WTIP: variants seen among roughly 807,000 people sequenced by gnomAD.
WTIP encodes WT1 interacting protein.
WTIP carries 23 observed loss-of-function variants against 41.7 expected under a neutral mutation model. The observed-to-expected ratio is 0.55, with a 90% CI of 0.40 to 0.78. WTIP has a LOEUF of 0.78. Ranked by LOEUF, WTIP falls within the 30% of genes least tolerant of loss-of-function variation. WTIP has a pLI of 0.00. For synonymous variants in WTIP, 314 were observed against 269.9 expected (o/e 1.16, Z -1.60); for missense variants, 619 against 610.5 (o/e 1.01, Z -0.15).
At position 34,503,757 on chromosome 19, in the gene WTIP, G is replaced by A. The variant is rs12986361; in HGVS notation, c.*3488G>A. 0.093 allele frequency: 14,235 copies of A among 152,592 alleles called. 832 individuals are homozygous for A. The highest frequency in any genetic ancestry group is 0.17 in the Admixed American group (2,636 of 15,300). 9.5% of individuals were successfully genotyped at this position (152,592 alleles called of 1,614,324 possible). ...GTGCCTGGATTAGGGCGAGTGCTGAGGCTGGAGCTGACCCTGCCCTGGCCT... is the reference window on the plus strand; with the variant it reads ...GTGCCTGGATTAGGGCGAGTGCTGAAGCTGGAGCTGACCCTGCCCTGGCCT... On this transcript the variant is annotated 3_prime_UTR_variant, in exon 8 of 8. Transcript: ENST00000590071.
At chr19:34,494,697 T>C (rs1035155513) in intron 6 of WTIP, 60 bp downstream of exon 6, 1 of 1,571,370 alleles carries the variant, frequency 6.4e-7, no homozygotes, top group African/African-American at 1.4e-5. Context: ...CTGTCCTGTC[T>C]AGCCTGGGTC....
At chr19:34,499,244 C>T (rs1228813762) in intron 7 of WTIP, among the ~76,000 whole-genome samples, 2 of 150,822 alleles carry the variant, frequency 1.3e-5, no homozygotes, top group Non-Finnish European at 2.9e-5. Flanking sequence ...GGCACGGTGG[C>T]TCATGCCTGT....
intron 1 of WTIP, among the ~76,000 whole-genome samples, chr19:34,483,917 CTTTTTTTTTTT>C (rs61308943): frequency 4.4e-3 from 291 of 66,878 alleles, no homozygotes; most frequent in African/African-American, 0.016. Context: ...TGAACTGGAT[CTTTTTTTTTTT>C]TTTTTTTTTT....
At chr19:34,494,183 C>T (rs2075840883) in intron 5 of WTIP, among the ~76,000 whole-genome samples, 1 of 152,112 alleles carries the variant, frequency 6.6e-6, no homozygotes, top group Non-Finnish European at 1.5e-5. Flanking sequence ...TCACAGGAAA[C>T]ATGGGGGCAG....
At position 34,489,939 on chromosome 19, in the gene WTIP, C is replaced by CA. The variant is rs199647256; in HGVS notation, c.668-429dup. 6.9e-4 allele frequency among the ~76,000 whole-genome samples: 105 copies of CA among 151,654 alleles called. 1 individual carries two copies. The East Asian group carries it at 0.017, about 25-fold the overall frequency. The stretch of plus-strand genomic sequence containing the variant: ...ACAGAGCGAGATCCTGTCTCTCTCC[C>CA]AAAAAAAACCTAAAAGTGGTTGGGT... On this transcript the variant is annotated intron_variant, in intron 1 of 7. Coordinates refer to ENST00000590071, the MANE Select transcript of WTIP (RefSeq NM_001080436.2).
Position 34,482,083 on chromosome 19 carries a change from C to T in WTIP, c.109C>T (p.Pro37Ser). Residue 37 changes from proline (P) to serine (S), a missense_variant, in exon 1 of 8, where the codon CCG (proline) becomes TCG (serine). Transcript: ENST00000590071. ...CTCTCCCGGTCGGGGGCGGCGGGGG[C>T]CGCGGCCTGGGCCTGGAGACGAGGC... ...CGSPGRGRRG[P>S]RPGPGDEAAP... 1 of 1,037,692 alleles carries T rather than the reference C, an allele frequency of 9.6e-7. No individual in the cohort carries two copies. The highest frequency in any genetic ancestry group is 1.2e-6 in the Non-Finnish European group (1 of 865,228). 64.3% of individuals were successfully genotyped at this position (1,037,692 alleles called of 1,614,324 possible). A position where few individuals can be genotyped will look rare whatever the true frequency, so the allele number is the denominator to read the frequency against.
Position 34,483,494 on chromosome 19 carries a change from G to C in WTIP, c.667+853G>C, listed in dbSNP as rs114541174. Among the ~76,000 whole-genome samples, 526 of 152,334 alleles carry C rather than the reference G, an allele frequency of 3.5e-3. 5 individuals carry two copies. Among genetic ancestry groups the C allele is most frequent in the African/African-American group, 0.012 (511 of 41,576 alleles). ...CGGATACCGCCTGACCCAGGCTTTG[G>C]TGATGGTAGCGGCTGGAGAGGGAGA... On this transcript the variant is annotated intron_variant, in intron 1 of 7. Transcript: ENST00000590071.
intron 5 of WTIP, 121 bp from the exon 6 acceptor site, chr19:34,494,465 C>A: frequency 1.1e-6 from 1 of 911,756 alleles, no homozygotes; most frequent in Non-Finnish European, 1.8e-6. Context: ...GAGGTGTGCA[C>A]ACAGGGAGAG....
chr19:34,511,921 C>G lies in WTIP; in HGVS notation c.*11652C>G, dbSNP rs1174703735. 6.6e-6 allele frequency: 1 copy of G among 152,154 alleles called. No individual in the cohort carries two copies. The highest frequency in any genetic ancestry group is 2.4e-5 in the African/African-American group (1 of 41,436). 9.4% of individuals were successfully genotyped at this position (152,154 alleles called of 1,614,324 possible). ...AAAGAAAAAAATACTTGCTAGAATT[C>G]TGATTTGAAGTGCTTTCAAATTCTG... On this transcript the variant is annotated 3_prime_UTR_variant, in exon 8 of 8. Transcript: ENST00000590071.
chr19:34,498,096 G>A (rs1289156318), intron 7 of WTIP, among the ~76,000 whole-genome samples: 1 of 152,158 alleles, frequency 6.6e-6, no homozygotes, highest in East Asian at 1.9e-4. Flanking sequence ...GGAGACCAGG[G>A]AAAGGAGTGA....
chr19:34,486,122 C>CT (rs3068689), intron 1 of WTIP, among the ~76,000 whole-genome samples: 2 of 151,896 alleles, frequency 1.3e-5, no homozygotes, highest in East Asian at 1.9e-4. Context: ...AGGGCCACAC[C>CT]GTTTTCCCTT....
intron 7 of WTIP, among the ~76,000 whole-genome samples, chr19:34,497,278 C>T (rs1008977900): frequency 3.3e-5 from 5 of 152,142 alleles, no homozygotes; most frequent in Admixed American, 6.5e-5. Flanking sequence ...GGCAGTCAGT[C>T]GGGTGTTGTG....
intron 1 of WTIP, among the ~76,000 whole-genome samples, chr19:34,485,833 G>A (rs2075794247): frequency 6.6e-6 from 1 of 152,192 alleles, no homozygotes; most frequent in Admixed American, 6.5e-5. Context: ...GGATTCAGGC[G>A]ATCCTCCCTC....
intron 1 of WTIP, among the ~76,000 whole-genome samples, chr19:34,483,570 T>C (rs1004581966): frequency 5.3e-5 from 8 of 152,132 alleles, no homozygotes; most frequent in Non-Finnish European, 1.0e-4. Context: ...ACCGTGCCAG[T>C]CACACGGGGC....
At chr19:34,490,864 C>T (rs1429544973) in intron 2 of WTIP, among the ~76,000 whole-genome samples, 1 of 152,206 alleles carries the variant, frequency 6.6e-6, no homozygotes, top group Non-Finnish European at 1.5e-5. Context: ...ATCTGTTGCC[C>T]ACGCTGGAGT....
chr19:34,499,081 G>T (rs1448174024), intron 7 of WTIP, among the ~76,000 whole-genome samples: 1 of 152,096 alleles, frequency 6.6e-6, no homozygotes, highest in Non-Finnish European at 1.5e-5. Flanking sequence ...CGGGCATGGT[G>T]GCACATGTCT....
Position 34,501,265 on chromosome 19 carries a change from G to C in WTIP, c.*996G>C, listed in dbSNP as rs551543061. 6.5e-6 allele frequency: 1 copy of C among 152,728 alleles called. No individual in the cohort carries two copies. Among genetic ancestry groups the C allele is most frequent in the South Asian group, 2.1e-4 (1 of 4,830 alleles). 9.5% of individuals were successfully genotyped at this position (152,728 alleles called of 1,614,324 possible). On this transcript the variant is annotated 3_prime_UTR_variant, in exon 8 of 8. Transcript: ENST00000590071. ...TACGGAGCTGGTTTTCAGGTGGTAA[G>C]AACCTTGTGGTTTCAGGACTTTTGT... is the stretch of plus-strand genomic sequence containing the variant.
At chr19:34,494,711 C>A in intron 6 of WTIP, 74 bp downstream of exon 6, 1 of 1,511,032 alleles carries the variant, frequency 6.6e-7, no homozygotes, top group Non-Finnish European at 9.0e-7. Flanking sequence ...CTGGGTCTAG[C>A]CCAGGTCTTG....
intron 1 of WTIP, among the ~76,000 whole-genome samples, chr19:34,487,700 G>A (rs114607192): frequency 1.5e-3 from 235 of 152,322 alleles, no homozygotes; most frequent in African/African-American, 5.5e-3. Context: ...GGAGGGAGAG[G>A]AGGTTATTTA....
Sources: allele counts gnomAD v4.1 joint callset (sites outside exome capture counted in the v4.1 genomes callset), GRCh38; gene constraint gnomAD v4.1.1; transcripts MANE v1.5; gene names NCBI Gene and HGNC (gene_info 2026-07-23, HGNC 2026-07-21).